CSMD1: variants seen among roughly 807,000 people sequenced by gnomAD.
CSMD1 encodes CUB and sushi domain-containing protein 1.
A neutral mutation model predicts 417.5 loss-of-function variants in CSMD1; 213 were observed. The observed-to-expected ratio is 0.51, with a 90% CI of 0.46 to 0.57. The LOEUF (loss-of-function observed/expected upper bound fraction) is 0.57, where lower values mean the gene tolerates loss of function less well. Among genes scored for constraint, CSMD1 ranks in the 20% least tolerant of loss-of-function variants. The probability of loss-of-function intolerance (pLI) is 0.00; values close to 1 mark genes in which losing one functional copy is unlikely to be tolerated. For synonymous variants in CSMD1, 2,862 were observed against 1,736.8 expected (o/e 1.65, Z -16.11); for missense variants, 6,923 against 4,529.7 (o/e 1.53, Z -15.17).
chr8:4,377,082 C>A (rs554307775), intron 3 of CSMD1, among the ~76,000 whole-genome samples: 1 of 152,208 alleles, frequency 6.6e-6, no homozygotes, highest in Non-Finnish European at 1.5e-5. Flanking sequence ...TGCTTTCATA[C>A]ATTTCATTCC....
At chr8:3,106,810 T>C (rs999624016) in intron 45 of CSMD1, 169 bp from the exon 46 acceptor site, 2 of 483,720 alleles carry the variant, frequency 4.1e-6, no homozygotes, top group Admixed American at 7.5e-5. Context: ...TTTTAAGTTC[T>C]TAATTTATAA....
At chr8:3,428,394 A>G (rs550389122) in intron 12 of CSMD1, among the ~76,000 whole-genome samples, 2 of 152,352 alleles carry the variant, frequency 1.3e-5, no homozygotes, top group African/African-American at 2.4e-5. Flanking sequence ...TCTTGACAGA[A>G]GCTGGGCTTT....
intron 7 of CSMD1, among the ~76,000 whole-genome samples, chr8:3,682,851 A>G (rs1799735850): frequency 6.6e-6 from 1 of 152,182 alleles, no homozygotes; most frequent in African/African-American, 2.4e-5. Context: ...ACCATGGAAT[A>G]CTATGTAGCC....
chr8:3,239,334 T>C (rs949842636), intron 26 of CSMD1, among the ~76,000 whole-genome samples: 4 of 152,098 alleles, frequency 2.6e-5, no homozygotes, highest in African/African-American at 7.2e-5. Context: ...CGAGAAATTA[T>C]GTCTGACAGA....
intron 6 of CSMD1, among the ~76,000 whole-genome samples, chr8:3,736,041 G>A (rs1261672992): frequency 1.3e-5 from 2 of 151,950 alleles, no homozygotes; most frequent in South Asian, 2.1e-4. Flanking sequence ...GAAATACAAA[G>A]AACTACCTAA....
intron 2 of CSMD1, among the ~76,000 whole-genome samples, chr8:4,531,807 C>A (rs1420945900): frequency 6.6e-6 from 1 of 152,208 alleles, no homozygotes; most frequent in Non-Finnish European, 1.5e-5. Flanking sequence ...CAGCCACCAT[C>A]ATAATCCCTT....
intron 1 of CSMD1, among the ~76,000 whole-genome samples, chr8:4,753,448 T>C (rs936693421): frequency 5.1e-4 from 56 of 110,268 alleles, no homozygotes; most frequent in Middle Eastern, 4.2e-3. Flanking sequence ...CACACACACA[T>C]GCGCACACAC....
intron 5 of CSMD1, among the ~76,000 whole-genome samples, chr8:3,790,775 G>A (rs1022700777): frequency 6.6e-6 from 1 of 152,144 alleles, no homozygotes; most frequent in Non-Finnish European, 1.5e-5. Flanking sequence ...GCTGAGTATA[G>A]TGAGTTTGGG....
At chr8:4,298,776 A>G (rs1219214291) in intron 3 of CSMD1, among the ~76,000 whole-genome samples, 2 of 152,196 alleles carry the variant, frequency 1.3e-5, no homozygotes, top group East Asian at 3.9e-4. Flanking sequence ...CTTTTGAATA[A>G]ATTTATTTTG....
At chr8:4,526,690 C>T (rs546726044) in intron 2 of CSMD1, among the ~76,000 whole-genome samples, 8 of 152,222 alleles carry the variant, frequency 5.3e-5, no homozygotes, top group East Asian at 3.9e-4. Context: ...AAACCAGAAA[C>T]GTAGGGTTAT....
At chr8:3,297,456 G>A (rs527721394) in intron 25 of CSMD1, among the ~76,000 whole-genome samples, 110 of 152,218 alleles carry the variant, frequency 7.2e-4, no homozygotes, top group African/African-American at 2.2e-3. Flanking sequence ...GTTAGGTTTT[G>A]TACTAGATAA....
intron 2 of CSMD1, among the ~76,000 whole-genome samples, chr8:4,565,045 G>A (rs969911598): frequency 6.6e-6 from 1 of 152,156 alleles, no homozygotes; most frequent in Non-Finnish European, 1.5e-5. Context: ...TGGATTTCAA[G>A]GCCTAGATTT....
intron 41 of CSMD1, among the ~76,000 whole-genome samples, chr8:3,127,218 G>A (rs1208988002): frequency 1.3e-5 from 2 of 152,156 alleles, no homozygotes; most frequent in Non-Finnish European, 2.9e-5. Flanking sequence ...ACTGTTGGAA[G>A]CACTTTCATG....
intron 3 of CSMD1, among the ~76,000 whole-genome samples, chr8:4,417,166 A>T (rs13265078): frequency 0.19 from 28,312 of 151,986 alleles, 2,704 homozygotes; most frequent in Middle Eastern, 0.25. Flanking sequence ...CAGAAAGTCA[A>T]ATACTGTAAA....
chr8:3,751,260 C>T (rs1030181542), intron 6 of CSMD1, among the ~76,000 whole-genome samples: 6 of 150,566 alleles, frequency 4.0e-5, no homozygotes, highest in Non-Finnish European at 7.4e-5. Context: ...GAATTAAATG[C>T]CAAATTTTTG....
intron 23 of CSMD1, among the ~76,000 whole-genome samples, chr8:3,317,867 G>T (rs1023695819): frequency 6.6e-6 from 1 of 152,194 alleles, no homozygotes; most frequent in African/African-American, 2.4e-5. Flanking sequence ...CTGGAGTGCA[G>T]TGGCGCCATC....
At chr8:4,281,427 G>A (rs912606311) in intron 3 of CSMD1, among the ~76,000 whole-genome samples, 2 of 152,158 alleles carry the variant, frequency 1.3e-5, no homozygotes, top group Non-Finnish European at 2.9e-5. Flanking sequence ...CTAAAGCTAT[G>A]AAATTAACAC....
chr8:4,171,506 G>C (rs1418990554), intron 3 of CSMD1, among the ~76,000 whole-genome samples: 2 of 151,516 alleles, frequency 1.3e-5, no homozygotes, highest in Non-Finnish European at 2.9e-5. Context: ...ATCAATCTTT[G>C]TACTCTACAG....
At chr8:4,771,058 C>G (rs927794559) in intron 1 of CSMD1, among the ~76,000 whole-genome samples, 1 of 152,202 alleles carries the variant, frequency 6.6e-6, no homozygotes, top group African/African-American at 2.4e-5. Flanking sequence ...AACCATATAT[C>G]AGATAAGGAG....
Sources: gnomAD v4.1 joint callset for allele counts (sites outside exome capture counted in the v4.1 genomes callset) on GRCh38, gnomAD v4.1.1 for gene constraint, MANE v1.5 for transcripts, NCBI Gene and HGNC (gene_info 2026-07-23, HGNC 2026-07-21) for gene names.